The following DYM variants were observed in gnomAD, a reference collection of about 807,000 sequenced individuals.
DYM encodes dymeclin, also known as dyggve-Melchior-Clausen syndrome protein.
A neutral mutation model predicts 93.1 loss-of-function variants in DYM; 78 were observed. The ratio of observed to expected loss-of-function variants is 0.84; its 90% CI spans 0.70 to 1.01. The LOEUF (loss-of-function observed/expected upper bound fraction) is 1.01, where lower values mean the gene tolerates loss of function less well. Among genes scored for constraint, DYM ranks in the 50% least tolerant of loss-of-function variants. The pLI is 0.00. For synonymous variants in DYM, 321 were observed against 319.7 expected, an observed-to-expected ratio of 1.00 and a Z score of -0.04; for missense variants, 789 against 845.0, an observed-to-expected ratio of 0.93 and a Z score of 0.82.
rs141720682 is a variant in DYM at position 49,382,934 on chromosome 18, C to T, written c.194-3176G>A. ...TTAAATTTGCTTCTAGACCCTGAAACAAACTTTTCTAAGATCTCACCGAAA... is the reference window on the plus strand; with the variant it reads ...TTAAATTTGCTTCTAGACCCTGAAATAAACTTTTCTAAGATCTCACCGAAA... On this transcript the variant is annotated intron_variant, in intron 3 of 17. Transcript: ENST00000675505. Among the ~76,000 whole-genome samples the T allele has an allele frequency of 1.1e-4, 17 of 152,258 alleles. No homozygotes were observed. In the East Asian group the frequency reaches 3.3e-3, roughly 29 times the overall value.
chr18:49,214,299 T>G (rs1173764886), intron 13 of DYM, among the ~76,000 whole-genome samples: 1 of 152,104 alleles, frequency 6.6e-6, no homozygotes, highest in African/African-American at 2.4e-5. Context: ...GTCAGATCAG[T>G]GGTGGCATTA....
intron 8 of DYM, among the ~76,000 whole-genome samples, chr18:49,313,840 G>C (rs2061761108): frequency 6.6e-6 from 1 of 152,108 alleles, no homozygotes; most frequent in Admixed American, 6.6e-5. Flanking sequence ...CCCTGACCCA[G>C]GGCTAACTTT....
At chr18:49,230,973 A>T (rs1413857668) in intron 13 of DYM, among the ~76,000 whole-genome samples, 1 of 152,188 alleles carries the variant, frequency 6.6e-6, no homozygotes, top group Non-Finnish European at 1.5e-5. Flanking sequence ...AAATAATCAA[A>T]TGGGTCCATT....
intron 17 of DYM, among the ~76,000 whole-genome samples, chr18:49,054,018 C>T (rs1012911987): frequency 6.6e-6 from 1 of 152,138 alleles, no homozygotes; most frequent in African/African-American, 2.4e-5. Context: ...GGAGGTTTTA[C>T]GTGGGCTTGG....
At position 49,430,510 on chromosome 18, in the gene DYM, TA is replaced by T. The variant is rs2074712929; in HGVS notation, c.-53-64del. The T allele has an allele frequency of 4.9e-6, 6 of 1,221,372 alleles. No individual in the cohort carries two copies. In the South Asian group the frequency reaches 6.6e-5, roughly 13 times the overall value. 75.7% of individuals were successfully genotyped at this position (1,221,372 alleles called of 1,614,324 possible). A position where few individuals can be genotyped will look rare whatever the true frequency, so the allele number is the denominator to read the frequency against. On this transcript the variant is annotated intron_variant, in intron 1 of 17. Coordinates refer to ENST00000675505, the MANE Select transcript of DYM (RefSeq NM_001353214.3). ...AAAGTCATCATGCTTTGTCTACCTATAAAAAAACTATAAACTTACTAAAGAA... is the reference window on the plus strand; with the variant it reads ...AAAGTCATCATGCTTTGTCTACCTATAAAAAACTATAAACTTACTAAAGAA...
intron 1 of DYM, among the ~76,000 whole-genome samples, chr18:49,450,098 C>G (rs893194976): frequency 9.2e-5 from 14 of 152,042 alleles, no homozygotes; most frequent in African/African-American, 3.4e-4. Context: ...TAAGACAGAG[C>G]TAAAGGTTTA....
At chr18:49,331,184 A>C (rs2063280889) in intron 8 of DYM, among the ~76,000 whole-genome samples, 1 of 152,210 alleles carries the variant, frequency 6.6e-6, no homozygotes, top group Admixed American at 6.5e-5. Context: ...GGCCGACCTC[A>C]CAAGTACCAA....
At chr18:49,411,700 C>G (rs536198803) in intron 2 of DYM, among the ~76,000 whole-genome samples, 5 of 152,152 alleles carry the variant, frequency 3.3e-5, no homozygotes, top group African/African-American at 1.2e-4. Flanking sequence ...AACATAAACA[C>G]TGAAAATCCT....
intron 11 of DYM, among the ~76,000 whole-genome samples, chr18:49,267,895 T>TCAAACAAA (rs199695670): frequency 2.7e-5 from 4 of 149,590 alleles, no homozygotes; most frequent in South Asian, 2.1e-4. Flanking sequence ...AGACTGTGTC[T>TCAAACAAA]CAAACAAACA....
At chr18:49,214,349 T>A (rs1458542977) in intron 13 of DYM, among the ~76,000 whole-genome samples, 1 of 152,136 alleles carries the variant, frequency 6.6e-6, no homozygotes, top group African/African-American at 2.4e-5. Flanking sequence ...GAACTGCACA[T>A]GCGAGGAATT....
intron 2 of DYM, chr18:49,393,606 A>C (rs2069668952): frequency 6.6e-6 from 1 of 152,154 alleles, no homozygotes; most frequent in African/African-American, 2.4e-5. Flanking sequence ...CCCCATCTCT[A>C]CTAAAAATAC....
Position 49,293,951 on chromosome 18 carries a change from C to G in DYM, c.764-7335G>C, listed in dbSNP as rs977723882. On this transcript the variant is annotated intron_variant, in intron 8 of 17. Transcript: ENST00000675505. ...TTCTAGGGTTTTTATGATTTTAGGT[C>G]TTACATTTAGCTCTTTAATCCATCT... is the stretch of plus-strand genomic sequence containing the variant. 4.6e-5 allele frequency among the ~76,000 whole-genome samples: 7 copies of G among 152,264 alleles called. No homozygotes were observed. The East Asian group carries it at 5.8e-4, about 13-fold the overall frequency.
intron 15 of DYM, among the ~76,000 whole-genome samples, chr18:49,152,630 G>C (rs2085948169): frequency 6.6e-6 from 1 of 152,110 alleles, no homozygotes; most frequent in Non-Finnish European, 1.5e-5. Context: ...TTCCACTTCT[G>C]GGTATATACC....
chr18:49,060,679 GA>G (rs1395319507), intron 17 of DYM, among the ~76,000 whole-genome samples: 3 of 73,522 alleles, frequency 4.1e-5, no homozygotes, highest in African/African-American at 1.6e-4. Context: ...GAGGGGAAGG[GA>G]GGGGGGAGGG....
intron 1 of DYM, among the ~76,000 whole-genome samples, chr18:49,432,599 ATT>A (rs35279467): frequency 1.8e-4 from 23 of 129,558 alleles, no homozygotes; most frequent in Non-Finnish European, 2.0e-4. Flanking sequence ...CAGCATTAAA[ATT>A]TTTTTTTTTT....
intron 16 of DYM, among the ~76,000 whole-genome samples, chr18:49,098,096 C>T (rs990299411): frequency 1.3e-5 from 2 of 152,118 alleles, no homozygotes; most frequent in African/African-American, 2.4e-5. Context: ...AACACAGTAG[C>T]ATTCTGGAAA....
At chr18:49,060,629 G>C (rs549530115) in intron 17 of DYM, among the ~76,000 whole-genome samples, 197 of 123,712 alleles carry the variant, frequency 1.6e-3, no homozygotes, top group African/African-American at 5.4e-3. Flanking sequence ...GAGAAGGGAG[G>C]GGGGAGAGAG....
chr18:49,244,211 T>C (rs1333713733), intron 13 of DYM, among the ~76,000 whole-genome samples: 2 of 152,200 alleles, frequency 1.3e-5, no homozygotes, highest in Admixed American at 1.3e-4. Flanking sequence ...TTGGGAGAAC[T>C]GAGGAAATCC....
At chr18:49,244,730 A>C (rs148824289) in intron 13 of DYM, among the ~76,000 whole-genome samples, 2,242 of 152,298 alleles carry the variant, frequency 0.015, 34 homozygotes, top group Middle Eastern at 0.037. Flanking sequence ...ACCCAAAAAC[A>C]AGGTAGTCTA....
Sources: gnomAD v4.1 joint callset for allele counts (sites outside exome capture counted in the v4.1 genomes callset) on GRCh38, gnomAD v4.1.1 for gene constraint, MANE v1.5 for transcripts, NCBI Gene and HGNC (gene_info 2026-07-23, HGNC 2026-07-21) for gene names.